Variants in ASPA observed in about 807,000 individuals in gnomAD.
ASPA encodes ACY-2.
In ASPA, 25 loss-of-function variants were observed where a neutral mutation model predicts 29.6. The observed-to-expected ratio is 0.85, with a 90% CI of 0.62 to 1.18. The LOEUF is 1.18. Ranked by LOEUF, ASPA falls within the 50% of genes most tolerant of loss-of-function variation. The probability of loss-of-function intolerance (pLI) is 0.00; values close to 1 mark genes in which losing one functional copy is unlikely to be tolerated. For missense variants in ASPA, 333 were observed against 385.7 expected (o/e 0.86, Z 1.14); for synonymous variants, 131 against 130.3 (o/e 1.01, Z -0.04).
At chr17:3,498,241 G>A (rs557457078) in intron 5 of ASPA, among the ~76,000 whole-genome samples, 4 of 152,306 alleles carry the variant, frequency 2.6e-5, no homozygotes, top group Non-Finnish European at 5.9e-5. Context: ...ACTTGAGCTG[G>A]CAACAGGCAG....
rs1168566327 is a variant in ASPA, at chr17:3,501,800, C to T, written c.*2712C>T. On this transcript the variant is annotated 3_prime_UTR_variant, in exon 6 of 6. Transcript: ENST00000263080. ...ACCCCCTCTCTACTAAAAATACCAA[C>T]ATATTAGCCAGGCGTGGTGGCACGT... 1 of 152,092 alleles carries T rather than the reference C, an allele frequency of 6.6e-6. No individual in the cohort carries two copies. The highest frequency in any genetic ancestry group is 1.5e-5 in the Non-Finnish European group (1 of 68,104). 9.4% of individuals were successfully genotyped at this position (152,092 alleles called of 1,614,324 possible).
rs1339869899 is a variant in ASPA, at chr17:3,485,486, CG to C, written c.526+1898del. 6.6e-6 allele frequency among the ~76,000 whole-genome samples: 1 copy of C among 152,124 alleles called. No homozygotes were observed. The highest frequency in any genetic ancestry group is 2.4e-5 in the African/African-American group (1 of 41,424). The stretch of plus-strand genomic sequence containing the variant: ...CGAGATCATGCCATTGCACTCCAGC[CG>C]GGGCAACAAAAGTGAAACTCCGTCT... On this transcript the variant is annotated intron_variant, in intron 3 of 5. Transcript: ENST00000263080. This position sits in a 1 kb window ranked among gnomAD's most constrained non-coding sequence, Gnocchi z 4.4.
intron 4 of ASPA, among the ~76,000 whole-genome samples, chr17:3,492,022 G>A (rs1283506047): frequency 4.6e-5 from 7 of 151,772 alleles, no homozygotes; most frequent in South Asian, 4.2e-4. Flanking sequence ...GACTACAGGC[G>A]TGCACCACCA....
At chr17:3,492,582 C>T (rs1047178496) in intron 4 of ASPA, among the ~76,000 whole-genome samples, 3 of 152,154 alleles carry the variant, frequency 2.0e-5, no homozygotes, top group African/African-American at 7.2e-5. Context: ...TTGTTTTGTG[C>T]CATAGAAGAG....
chr17:3,479,236 G>A (rs1008687937), intron 1 of ASPA, among the ~76,000 whole-genome samples: 2 of 152,174 alleles, frequency 1.3e-5, no homozygotes, highest in African/African-American at 4.8e-5. Flanking sequence ...CTGCAGGCAT[G>A]AGAACTCAAA....
At chr17:3,491,745 CA>C (rs780884527) in intron 4 of ASPA, among the ~76,000 whole-genome samples, 1 of 147,428 alleles carries the variant, frequency 6.8e-6, no homozygotes, top group Non-Finnish European at 1.5e-5. Flanking sequence ...GAGACTGTCT[CA>C]AAAAAAAAAA....
At position 3,503,366 on chromosome 17, in the gene ASPA, CA is replaced by C. The variant is rs912212859; in HGVS notation, c.*4282del. The C allele has an allele frequency of 6.6e-6, 1 of 151,912 alleles. No homozygotes were observed. Among genetic ancestry groups the C allele is most frequent in the Admixed American group, 6.6e-5 (1 of 15,260 alleles). 9.4% of individuals were successfully genotyped at this position (151,912 alleles called of 1,614,324 possible). ...ATTTTTTTCTATTTTTGTACTTTAC[CA>C]AAATTATTTACATTGGAATAAACTC... is the stretch of plus-strand genomic sequence containing the variant. On this transcript the variant is annotated 3_prime_UTR_variant, in exon 6 of 6. Transcript: ENST00000263080.
At chr17:3,495,165 C>A (rs544772470) in intron 5 of ASPA, among the ~76,000 whole-genome samples, 5 of 152,176 alleles carry the variant, frequency 3.3e-5, no homozygotes, top group African/African-American at 1.2e-4. Flanking sequence ...GAGAGAAGAA[C>A]AGATTTCCAA....
chr17:3,476,544 A>G (rs2073526616), intron 1 of ASPA, 149 bp downstream of exon 1: 1 of 798,412 alleles, frequency 1.3e-6, no homozygotes, highest in Admixed American at 2.0e-5. Context: ...ACTTTTAATT[A>G]TACTGCATTG....
intron 3 of ASPA, 75 bp downstream of exon 3, chr17:3,483,667 C>T: frequency 7.1e-7 from 1 of 1,414,314 alleles, no homozygotes; most frequent in South Asian, 1.2e-5. Flanking sequence ...TATTTTTTAT[C>T]TTATTTTATT....
At chr17:3,478,755 C>T (rs539705230) in intron 1 of ASPA, among the ~76,000 whole-genome samples, 190 of 152,256 alleles carry the variant, frequency 1.2e-3, no homozygotes, top group African/African-American at 4.5e-3. Flanking sequence ...ATTAACTTCT[C>T]CCATCCTGCC....
At chr17:3,481,345 T>C (rs1398815060) in intron 1 of ASPA, among the ~76,000 whole-genome samples, 1 of 152,234 alleles carries the variant, frequency 6.6e-6, no homozygotes, top group East Asian at 1.9e-4. Flanking sequence ...CTGTTTGATA[T>C]GTCCTATTCA....
upstream of ASPA, chr17:3,475,898 T>G: frequency 2.0e-6 from 1 of 491,586 alleles, no homozygotes; most frequent in Non-Finnish European, 3.7e-6. Context: ...GAGTTAGAAG[T>G]TAAAGTAAAC....
rs766720790 is a variant in ASPA at position 3,499,015 on chromosome 17, AAAAG to A, written c.876_879del (p.Glu293LeufsTer8). ...TTTGTGAATGAGGCCGCATATTACG[AAAAG>A]AAAGAAGCTTTTGCAAAGACAACTA... On this transcript the variant is annotated frameshift_variant, in exon 6 of 6. Transcript: ENST00000263080. LOFTEE classifies it high-confidence loss of function. The A allele has an allele frequency of 3.2e-5, 52 of 1,614,236 alleles. No individual in the cohort carries two copies. The highest frequency in any genetic ancestry group is 4.0e-5 in the Non-Finnish European group (47 of 1,180,038).
rs180994891 is a variant in ASPA, at chr17:3,497,338, G to A, written c.745-1553G>A. 7.9e-5 allele frequency among the ~76,000 whole-genome samples: 12 copies of A among 152,220 alleles called. No individual in the cohort carries two copies. The East Asian group carries it at 2.3e-3, about 29-fold the overall frequency. On this transcript the variant is annotated intron_variant, in intron 5 of 5. Transcript: ENST00000263080. ...GCCGAGCCACCCTGTAAATCATCTG[G>A]GGCCTAAATACAATAAACACAGAAA...
chr17:3,478,641 C>T (rs904645781), intron 1 of ASPA, among the ~76,000 whole-genome samples: 2 of 152,192 alleles, frequency 1.3e-5, no homozygotes, highest in Non-Finnish European at 1.5e-5. Context: ...TTTCAGTGAG[C>T]ACAGTCTTTT....
At chr17:3,474,212 T>TG (rs2073488643), upstream of ASPA, 1 of 152,212 alleles carries the variant, frequency 6.6e-6, no homozygotes, top group Non-Finnish European at 1.5e-5. Context: ...TCATTAACTC[T>TG]CAAAAAAGTT....
intron 4 of ASPA, among the ~76,000 whole-genome samples, chr17:3,493,902 A>G (rs901551786): frequency 1.3e-5 from 2 of 152,130 alleles, no homozygotes; most frequent in African/African-American, 4.8e-5. Flanking sequence ...ATTCAAGGAC[A>G]TCTTTTGGCC....
At chr17:3,491,354 T>C (rs755731676) in intron 4 of ASPA, among the ~76,000 whole-genome samples, 1 of 152,144 alleles carries the variant, frequency 6.6e-6, no homozygotes, top group Non-Finnish European at 1.5e-5. Context: ...TTGAGAACTG[T>C]AAATAAATTC....
Sources: gnomAD v4.1 joint callset for allele counts (sites outside exome capture counted in the v4.1 genomes callset) on GRCh38, gnomAD v4.1.1 for gene constraint, Gnocchi (gnomAD v3.1) non-coding constraint, MANE v1.5 for transcripts, NCBI Gene and HGNC (gene_info 2026-07-23, HGNC 2026-07-21) for gene names.